NFAT5: variants seen among roughly 807,000 people sequenced by gnomAD.
NFAT5 encodes nuclear factor of activated T-cells 5.
A neutral mutation model predicts 166.5 loss-of-function variants in NFAT5; 31 were observed. The ratio of observed to expected loss-of-function variants is 0.19; its 90% CI spans 0.14 to 0.25. The LOEUF is 0.25. Ranked by LOEUF, NFAT5 falls within the 10% of genes least tolerant of loss-of-function variation. The pLI is 1.00. For missense variants in NFAT5, 1,449 were observed against 1,821.8 expected (o/e 0.80, Z 3.72); for synonymous variants, 612 against 639.7 (o/e 0.96, Z 0.65).
chr16:69,628,945 G>A (rs2034587990), intron 3 of NFAT5, among the ~76,000 whole-genome samples: 1 of 152,114 alleles, frequency 6.6e-6, no homozygotes, highest in South Asian at 2.1e-4. Flanking sequence ...GTGGTGGCGG[G>A]CGCCTGTAAT....
chr16:69,595,523 G>A (rs539651775), intron 2 of NFAT5, among the ~76,000 whole-genome samples: 26 of 152,272 alleles, frequency 1.7e-4, no homozygotes, highest in African/African-American at 6.3e-4. Context: ...CAAATTTAAT[G>A]CCTTTTAAAT....
chr16:69,688,212 A>AACAAAC (rs531424757), intron 11 of NFAT5, among the ~76,000 whole-genome samples: 24,628 of 124,588 alleles, frequency 0.2, 2,922 homozygotes, highest in East Asian at 0.41. Context: ...CAAAAAAAAA[A>AACAAAC]AAAAAAAAAA....
chr16:69,587,264 G>T (rs964618907), intron 2 of NFAT5, among the ~76,000 whole-genome samples: 3 of 151,546 alleles, frequency 2.0e-5, no homozygotes, highest in African/African-American at 4.8e-5. Context: ...TAGTAGAGAC[G>T]GAGTTTCACC....
At chr16:69,568,146 C>A (rs997298152) in intron 1 of NFAT5, among the ~76,000 whole-genome samples, 1 of 152,060 alleles carries the variant, frequency 6.6e-6, no homozygotes, top group Admixed American at 6.6e-5. Context: ...AACCCCGTCA[C>A]CCCGTCACTA....
chr16:69,579,828 A>G (rs2031550418), intron 2 of NFAT5, among the ~76,000 whole-genome samples: 1 of 152,202 alleles, frequency 6.6e-6, no homozygotes, highest in Non-Finnish European at 1.5e-5. Flanking sequence ...TGGCTGTGTG[A>G]TTTTTAGGCA....
Position 69,684,867 on chromosome 16 carries a change from A to T in NFAT5, c.1691-20A>T. 2 of 1,554,538 alleles carry T rather than the reference A, an allele frequency of 1.3e-6. No individual in the cohort carries two copies. The highest frequency in any genetic ancestry group is 1.8e-6 in the Non-Finnish European group (2 of 1,140,646). ...AGGATGAGTAAATGTAGATAAATAC[A>T]TTAATCTTTTTTTTAATAGCAGCAG... is the stretch of plus-strand genomic sequence containing the variant. On this transcript the variant is annotated intron_variant, in intron 10 of 14. Transcript: ENST00000349945.
At position 69,692,509 on chromosome 16, in the gene NFAT5, C is replaced by G. The variant is rs764512084; in HGVS notation, c.2684C>G (p.Ser895Cys). Residue 895 changes from serine (S) to cysteine (C), a missense_variant, in exon 13 of 15, where the codon TCT (serine) becomes TGT (cysteine). Ser to Cys is a moderately radical substitution (Grantham distance 112). Around this residue, in one of 7 missense-constraint regions of NFAT5, gnomAD observed 891 missense variants for 993.0 expected, o/e 0.90. Transcript: ENST00000349945. ...CATCCACAGTCTGAAAACACGTTAT[C>G]TAATCAACAGCAGCAGCAGCAGCAG... ...SVHPQSENTL[S>C]NQQQQQQQQQ... 2 of 1,614,016 alleles carry G rather than the reference C, an allele frequency of 1.2e-6. No homozygotes were observed. The highest frequency in any genetic ancestry group is 1.7e-5 in the Admixed American group (1 of 59,998).
chr16:69,640,767 A>G (rs1218557446), intron 3 of NFAT5, among the ~76,000 whole-genome samples: 3 of 151,586 alleles, frequency 2.0e-5, no homozygotes, highest in Admixed American at 6.6e-5. Context: ...GGATCAGCTG[A>G]GGTCAGGAGT....
At chr16:69,639,057 A>G (rs1397159484) in intron 3 of NFAT5, among the ~76,000 whole-genome samples, 1 of 152,216 alleles carries the variant, frequency 6.6e-6, no homozygotes, top group Non-Finnish European at 1.5e-5. Flanking sequence ...TATTGGAGAT[A>G]GAAGATTACA....
chr16:69,627,046 A>G (rs1448605383), intron 3 of NFAT5, among the ~76,000 whole-genome samples: 2 of 151,908 alleles, frequency 1.3e-5, no homozygotes, highest in African/African-American at 4.8e-5. Context: ...ACGTCAATAT[A>G]ATATTTATAT....
At chr16:69,661,351 A>T (rs1468529182) in intron 7 of NFAT5, among the ~76,000 whole-genome samples, 1 of 150,182 alleles carries the variant, frequency 6.7e-6, no homozygotes, top group East Asian at 1.9e-4. Context: ...ATTGAACAAC[A>T]TAATGAGAGA....
At chr16:69,673,479 T>C (rs1461671837) in intron 9 of NFAT5, among the ~76,000 whole-genome samples, 1 of 151,994 alleles carries the variant, frequency 6.6e-6, no homozygotes, top group Non-Finnish European at 1.5e-5. Flanking sequence ...TCCCAGCACT[T>C]TGGGAGGTAG....
intron 2 of NFAT5, among the ~76,000 whole-genome samples, chr16:69,601,674 ATGTGG>A (rs1450255348): frequency 6.6e-6 from 1 of 152,202 alleles, no homozygotes; most frequent in East Asian, 1.9e-4. Flanking sequence ...ATGCCAATCA[ATGTGG>A]TTTAAATAAC....
intron 2 of NFAT5, among the ~76,000 whole-genome samples, chr16:69,603,535 TAAACTC>T (rs527483674): frequency 2.7e-4 from 41 of 152,230 alleles, no homozygotes; most frequent in Middle Eastern, 6.8e-3. Flanking sequence ...GCAGATCACT[TAAACTC>T]AAGAGTTTGA....
rs536522173 is a variant in NFAT5 at position 69,657,221 on chromosome 16, C to T, written c.1196+1422C>T. ...TCTCGGCTCACTGCAACCTCCACCT[C>T]CTGGGTTCAAGCGATTCTCCTCCCT... is the stretch of plus-strand genomic sequence containing the variant. On this transcript the variant is annotated intron_variant, in intron 6 of 14. Coordinates refer to ENST00000349945, the MANE Select transcript of NFAT5 (RefSeq NM_138713.4). Among the ~76,000 whole-genome samples the T allele has an allele frequency of 5.7e-4, 87 of 151,798 alleles. 2 individuals carry two copies. In the South Asian group the frequency reaches 0.011, roughly 19 times the overall value.
chr16:69,571,937 AT>A (rs2016464793), intron 2 of NFAT5, among the ~76,000 whole-genome samples: 1 of 151,292 alleles, frequency 6.6e-6, no homozygotes, highest in South Asian at 2.1e-4. Context: ...TTTTTTTTGG[AT>A]TTTTTAGTAG....
At chr16:69,613,286 C>A (rs1168361154) in intron 2 of NFAT5, among the ~76,000 whole-genome samples, 2 of 152,130 alleles carry the variant, frequency 1.3e-5, no homozygotes, top group African/African-American at 4.8e-5. Context: ...TTGTAAAAAC[C>A]TTCTTACTCA....
chr16:69,568,426 G>A, intron 1 of NFAT5, 69 bp from the exon 2 acceptor site: 1 of 1,044,506 alleles, frequency 9.6e-7, no homozygotes, highest in East Asian at 2.7e-5. Context: ...TATAAGAGAT[G>A]TATGCTATCC....
chr16:69,676,986 A>G (rs1276718341), intron 9 of NFAT5: 11 of 467,808 alleles, frequency 2.4e-5, no homozygotes. Flanking sequence ...CAGGGCAGGG[A>G]TCTTGACCTT....
Sources: allele counts gnomAD v4.1 joint callset (sites outside exome capture counted in the v4.1 genomes callset), GRCh38; gene constraint gnomAD v4.1.1; regional missense constraint gnomAD v4.1.1; transcripts MANE v1.5; gene names NCBI Gene and HGNC (gene_info 2026-07-23, HGNC 2026-07-21).